PPHLN1: variants seen among roughly 807,000 people sequenced by gnomAD.
PPHLN1 encodes the protein periphilin-1.
In PPHLN1, 29 loss-of-function variants were observed where a neutral mutation model predicts 51.3. That is an observed-to-expected ratio of 0.57 (90% CI 0.42 to 0.77). The LOEUF is 0.77. PPHLN1 is among the 30% of genes least tolerant of loss of function. The probability of loss-of-function intolerance (pLI) is 0.00; values close to 1 mark genes in which losing one functional copy is unlikely to be tolerated. For missense variants in PPHLN1, 436 were observed against 438.4 expected, an observed-to-expected ratio of 0.99 and a Z score of 0.05; for synonymous variants, 147 against 147.8, an observed-to-expected ratio of 0.99 and a Z score of 0.04.
intron 5 of PPHLN1, among the ~76,000 whole-genome samples, chr12:42,375,509 A>G (rs2076192858): frequency 6.6e-6 from 1 of 151,314 alleles, no homozygotes; most frequent in Non-Finnish European, 1.5e-5. Flanking sequence ...ACGGGGTTTC[A>G]CCATGTTGGT....
rs1457514423 is a variant in PPHLN1 at position 42,379,826 on chromosome 12, C to A, written c.511+4752C>A. ...TCTGTATATTAGCACCTGATAAGAACAGCTTGTATTATCTGCAAATTAAGT... is the reference window on the plus strand; with the variant it reads ...TCTGTATATTAGCACCTGATAAGAAAAGCTTGTATTATCTGCAAATTAAGT... On this transcript the variant is annotated intron_variant, in intron 5 of 9. Transcript: ENST00000358314. Among the ~76,000 whole-genome samples, 9 of 152,058 alleles carry A rather than the reference C, an allele frequency of 5.9e-5. No individual in the cohort carries two copies. The East Asian group carries it at 1.4e-3, about 23-fold the overall frequency.
At chr12:42,399,123 A>G in intron 9 of PPHLN1, 129 bp downstream of exon 9, 1 of 1,435,378 alleles carries the variant, frequency 7.0e-7, no homozygotes, top group Non-Finnish European at 9.1e-7. Context: ...TTAAAAAATT[A>G]TAAAAATTGT....
intron 7 of PPHLN1, among the ~76,000 whole-genome samples, chr12:42,390,387 G>C (rs1027735803): frequency 5.9e-5 from 9 of 152,198 alleles, no homozygotes; most frequent in African/African-American, 2.2e-4. Context: ...TGAAAGAAGA[G>C]TAAATAGTAC....
chr12:42,362,248 G>C (rs1271005970), intron 4 of PPHLN1, among the ~76,000 whole-genome samples: 2 of 151,810 alleles, frequency 1.3e-5, no homozygotes, highest in African/African-American at 2.4e-5. Context: ...TTGTCTTTCT[G>C]TTGTTGAATT....
intron 4 of PPHLN1, among the ~76,000 whole-genome samples, chr12:42,357,446 A>G (rs1393795807): frequency 6.6e-6 from 1 of 152,204 alleles, no homozygotes; most frequent in Non-Finnish European, 1.5e-5. Flanking sequence ...AGAATCTGCA[A>G]ATAAACCTAG....
rs531361049 is a variant in PPHLN1 at position 42,361,716 on chromosome 12, C to G, written c.299+6494C>G. On this transcript the variant is annotated intron_variant, in intron 4 of 9. Coordinates refer to ENST00000358314, the MANE Select transcript of PPHLN1 (RefSeq NM_201439.2). ...GCCATTTACACAATTTTTATGTACA[C>G]AATTCATGAGCATTAATTCTATTGA... The G allele has an allele frequency of 2.0e-5, 3 of 152,296 alleles. No homozygotes were observed. The South Asian group carries it at 6.2e-4, about 32-fold the overall frequency. 9.4% of individuals were successfully genotyped at this position (152,296 alleles called of 1,614,324 possible). A position where few individuals can be genotyped will look rare whatever the true frequency, so the allele number is the denominator to read the frequency against.
chr12:42,433,618 G>A (rs747309610), intron 9 of PPHLN1, among the ~76,000 whole-genome samples: 3 of 152,134 alleles, frequency 2.0e-5, no homozygotes, highest in Admixed American at 1.3e-4. Context: ...CACCGCACCC[G>A]GCCCACACTG....
At chr12:42,364,224 CAAAAT>C (rs995703395) in intron 4 of PPHLN1, among the ~76,000 whole-genome samples, 26 of 151,836 alleles carry the variant, frequency 1.7e-4, no homozygotes, top group African/African-American at 5.6e-4. Flanking sequence ...AACTCTGTCT[CAAAAT>C]AAAATAATAA....
intron 2 of PPHLN1, among the ~76,000 whole-genome samples, chr12:42,337,780 T>A (rs547914894): frequency 1.9e-4 from 28 of 150,074 alleles, no homozygotes; most frequent in African/African-American, 6.1e-4. Flanking sequence ...TATTTTATTT[T>A]ATTTATTTAT....
intron 9 of PPHLN1, among the ~76,000 whole-genome samples, chr12:42,434,253 G>T (rs1039298976): frequency 1.1e-4 from 17 of 152,158 alleles, no homozygotes; most frequent in Non-Finnish European, 2.2e-4. Context: ...GGACACAAGC[G>T]GGGGAACAAC....
intron 4 of PPHLN1, among the ~76,000 whole-genome samples, chr12:42,371,196 C>T (rs1444307747): frequency 1.2e-4 from 17 of 145,612 alleles, no homozygotes; most frequent in African/African-American, 4.1e-4. Context: ...TCATGGCTCA[C>T]GGCAGCCTCT....
intron 7 of PPHLN1, among the ~76,000 whole-genome samples, chr12:42,389,550 ACT>A (rs1380706569): frequency 6.6e-6 from 1 of 152,162 alleles, no homozygotes; most frequent in Admixed American, 6.5e-5. Context: ...ACAGAGCGAG[ACT>A]CTGTCTCAAA....
intron 8 of PPHLN1, among the ~76,000 whole-genome samples, chr12:42,397,445 TTAAC>T (rs2078344184): frequency 6.6e-6 from 1 of 152,232 alleles, no homozygotes; most frequent in Non-Finnish European, 1.5e-5. Context: ...CTCTTTTAAA[TTAAC>T]TGTCAGTTTT....
rs747442649 is a variant in PPHLN1 at position 42,351,866 on chromosome 12, T to C, written c.73-19T>C. On this transcript the variant is annotated intron_variant, in intron 2 of 9. Transcript: ENST00000358314. ...AGAGAAATTAGTCATTTGTATATAT[T>C]TCTTTTTGTCTGTTTTAGGATGGCT... The C allele has an allele frequency of 1.3e-6, 2 of 1,536,912 alleles. No individual in the cohort carries two copies. Among genetic ancestry groups the C allele is most frequent in the Non-Finnish European group, 1.7e-6 (2 of 1,152,376 alleles).
chr12:42,371,538 T>C (rs2075806699), intron 4 of PPHLN1, among the ~76,000 whole-genome samples: 1 of 152,240 alleles, frequency 6.6e-6, no homozygotes, highest in South Asian at 2.1e-4. Context: ...GTCTTACTGT[T>C]CTAACTACTT....
At chr12:42,422,245 C>G (rs2081071027) in intron 9 of PPHLN1, among the ~76,000 whole-genome samples, 1 of 152,190 alleles carries the variant, frequency 6.6e-6, no homozygotes, top group Non-Finnish European at 1.5e-5. Flanking sequence ...ACAAATAACA[C>G]TAAACCCTCA....
At chr12:42,337,487 G>A (rs948974348) in intron 2 of PPHLN1, among the ~76,000 whole-genome samples, 1 of 151,712 alleles carries the variant, frequency 6.6e-6, no homozygotes, top group Non-Finnish European at 1.5e-5. Flanking sequence ...GTAGAGATGG[G>A]GTTTCACCAT....
intron 4 of PPHLN1, 111 bp from the exon 5 acceptor site, chr12:42,374,752 C>A: frequency 2.2e-6 from 2 of 914,050 alleles, no homozygotes; most frequent in Non-Finnish European, 3.2e-6. Context: ...CCGCACCCGG[C>A]CCCAAGAGTA....
intron 9 of PPHLN1, among the ~76,000 whole-genome samples, chr12:42,414,110 C>T (rs1225260903): frequency 1.3e-5 from 2 of 152,112 alleles, no homozygotes; most frequent in South Asian, 4.1e-4. Context: ...CATCTCGGCT[C>T]ACTGCAATCT....
Sources: allele counts gnomAD v4.1 joint callset (sites outside exome capture counted in the v4.1 genomes callset), GRCh38; gene constraint gnomAD v4.1.1; transcripts MANE v1.5; gene names NCBI Gene and HGNC (gene_info 2026-07-23, HGNC 2026-07-21).